CYSTM1: variants seen among roughly 807,000 people sequenced by gnomAD.
The protein encoded by CYSTM1 is cysteine rich transmembrane module containing 1.
A neutral mutation model predicts 13.1 loss-of-function variants in CYSTM1; 4 were observed. The ratio of observed to expected loss-of-function variants is 0.31; its 90% confidence interval spans 0.15 to 0.70. The LOEUF (loss-of-function observed/expected upper bound fraction) is 0.70. Ranked by LOEUF, CYSTM1 falls within the 30% of genes least tolerant of loss-of-function variation. The pLI, the probability that CYSTM1 is intolerant of heterozygous loss-of-function variation, is 0.72. For synonymous variants in CYSTM1, 36 were observed against 42.7 expected (o/e 0.84, Z 0.62); for missense variants, 96 against 121.6 (o/e 0.79, Z 0.99).
At chr5:140,236,411 C>G (rs1764680871) in intron 2 of CYSTM1, among the ~76,000 whole-genome samples, 1 of 152,202 alleles carries the variant, frequency 6.6e-6, no homozygotes, top group Admixed American at 6.5e-5. Context: ...AATGTACACG[C>G]TGCACCAGCA....
rs186816304 is a variant in CYSTM1 at position 140,189,947 on chromosome 5, T to A, written c.-20-4499T>A. On this transcript the variant is annotated intron_variant, in intron 1 of 2. Coordinates refer to ENST00000261811, the MANE Select transcript of CYSTM1 (RefSeq NM_032412.4). ...TTCTGTGATATATTGTGGATTTTTT[T>A]AATGTATGAGCATGGAGATCAAGGG... 5.3e-5 allele frequency among the ~76,000 whole-genome samples: 8 copies of A among 152,344 alleles called. No homozygotes were observed. The East Asian group carries it at 1.3e-3, about 26-fold the overall frequency.
chr5:140,182,207 TC>T (rs1763968340), intron 1 of CYSTM1, among the ~76,000 whole-genome samples: 1 of 152,208 alleles, frequency 6.6e-6, no homozygotes. Context: ...GTTCCACATA[TC>T]CCACCTGGGG....
rs374326696 is a variant in CYSTM1 at position 140,194,584 on chromosome 5, G to C, written c.119G>C (p.Gly40Ala). ...GGGGGACCCTACCCACCTCCTCAAG[G>C]GTACCCCTACCAAGGATACCCACAG... ...PMGGPYPPPQGYPYQGYPQYG... is the reference protein window; with the variant it reads ...PMGGPYPPPQAYPYQGYPQYG... Residue 40 changes from glycine to alanine, a missense_variant, in exon 2 of 3, where the codon GGG (glycine) becomes GCG (alanine). By Grantham distance (60) the Gly-to-Ala change is moderately conservative. Transcript: ENST00000261811. 16 of 1,613,406 alleles carry C rather than the reference G, an allele frequency of 9.9e-6. No individual in the cohort carries two copies. The highest frequency in any genetic ancestry group is 1.6e-4 in the Middle Eastern group (1 of 6,080).
chr5:140,221,698 T>C (rs1013160941), intron 2 of CYSTM1, among the ~76,000 whole-genome samples: 4 of 152,348 alleles, frequency 2.6e-5, no homozygotes, highest in African/African-American at 9.6e-5. Flanking sequence ...TTCAAGTCCC[T>C]ACTTTCAATT....
At position 140,222,919 on chromosome 5, in the gene CYSTM1, A is replaced by G. The variant is rs773517053; in HGVS notation, c.188-20386A>G. Among the ~76,000 whole-genome samples the G allele has an allele frequency of 4.6e-5, 7 of 152,250 alleles. No individual in the cohort carries two copies. In the South Asian group the frequency reaches 1.0e-3, roughly 23 times the overall value. On this transcript the variant is annotated intron_variant, in intron 2 of 2. Transcript: ENST00000261811. ...AAGTAAAAAGGAAAACATCACGGGCATACAGAATAAAAGTCTCCTATTCTT... is the reference window on the plus strand; with the variant it reads ...AAGTAAAAAGGAAAACATCACGGGCGTACAGAATAAAAGTCTCCTATTCTT...
chr5:140,208,541 G>C (rs1175148742), intron 2 of CYSTM1, among the ~76,000 whole-genome samples: 3 of 152,146 alleles, frequency 2.0e-5, no homozygotes, highest in African/African-American at 7.2e-5. Context: ...ACTATAGTCA[G>C]TAATAATTTT....
chr5:140,223,645 A>G (rs1479803749), intron 2 of CYSTM1, among the ~76,000 whole-genome samples: 1 of 152,262 alleles, frequency 6.6e-6, no homozygotes, highest in Non-Finnish European at 1.5e-5. Flanking sequence ...CCTTCCCAGA[A>G]GAACAGAGAT....
chr5:140,193,954 C>T (rs1310705514), intron 1 of CYSTM1, among the ~76,000 whole-genome samples: 1 of 152,212 alleles, frequency 6.6e-6, no homozygotes. Context: ...GCCAGTGCTG[C>T]TCGTTAGAAG....
chr5:140,240,613 A>G (rs1361247851), intron 2 of CYSTM1, among the ~76,000 whole-genome samples: 1 of 151,146 alleles, frequency 6.6e-6, no homozygotes, highest in Non-Finnish European at 1.5e-5. Context: ...AATGCCAGGA[A>G]TGGTGAGGCC....
chr5:140,210,249 C>T (rs891603649), intron 2 of CYSTM1, among the ~76,000 whole-genome samples: 8 of 152,128 alleles, frequency 5.3e-5, no homozygotes, highest in East Asian at 3.9e-4. Flanking sequence ...TTTTGTCATA[C>T]GCAACTTTTC....
chr5:140,188,289 C>T (rs1764046594), intron 1 of CYSTM1, among the ~76,000 whole-genome samples: 1 of 151,730 alleles, frequency 6.6e-6, no homozygotes, highest in Non-Finnish European at 1.5e-5. Context: ...CACTATGTTA[C>T]CCTAACCAGG....
At position 140,178,626 on chromosome 5, in the gene CYSTM1, G is replaced by A. The variant is rs576011858; in HGVS notation, c.-21+3341G>A. On this transcript the variant is annotated intron_variant, in intron 1 of 2. Coordinates refer to ENST00000261811, the MANE Select transcript of CYSTM1 (RefSeq NM_032412.4). Reference sequence around the variant, plus strand: ...GGTTTTTTTAATTTTTTTGAGACAGGTTCTGGCTCTGTTGCCTGGGCTGGA... The same window carrying A: ...GGTTTTTTTAATTTTTTTGAGACAGATTCTGGCTCTGTTGCCTGGGCTGGA... 9.3e-5 allele frequency among the ~76,000 whole-genome samples: 14 copies of A among 150,952 alleles called. No homozygotes were observed. In the South Asian group the frequency reaches 2.9e-3, roughly 32 times the overall value.
At chr5:140,242,428 T>C (rs1764761570) in intron 2 of CYSTM1, among the ~76,000 whole-genome samples, 1 of 152,202 alleles carries the variant, frequency 6.6e-6, no homozygotes, top group Non-Finnish European at 1.5e-5. Context: ...TTGATAACAT[T>C]CATGCATTCA....
intron 2 of CYSTM1, among the ~76,000 whole-genome samples, chr5:140,212,983 G>GTATATATATATA (rs150669111): frequency 1.4e-4 from 16 of 114,302 alleles, no homozygotes; most frequent in African/African-American, 2.5e-4. Flanking sequence ...CAAAACAAAA[G>GTATATATATATA]TATATATATA....
intron 2 of CYSTM1, among the ~76,000 whole-genome samples, chr5:140,237,206 CCT>C (rs1764693273): frequency 6.6e-6 from 1 of 152,150 alleles, no homozygotes; most frequent in Non-Finnish European, 1.5e-5. Context: ...GGCGATGGGC[CCT>C]GACTCTCCTT....
intron 2 of CYSTM1, among the ~76,000 whole-genome samples, chr5:140,210,360 C>T (rs1028626563): frequency 6.6e-6 from 1 of 152,116 alleles, no homozygotes; most frequent in African/African-American, 2.4e-5. Context: ...TCAGCAGCAT[C>T]CCTAGCCTCT....
At chr5:140,225,362 T>G (rs1764536904) in intron 2 of CYSTM1, among the ~76,000 whole-genome samples, 2 of 152,180 alleles carry the variant, frequency 1.3e-5, no homozygotes, top group South Asian at 2.1e-4. Context: ...CTGGGTTGTT[T>G]AGGCCTTCAA....
At chr5:140,178,441 C>CTTTTTTTTTTTGTTTT (rs1763918138) in intron 1 of CYSTM1, among the ~76,000 whole-genome samples, 1 of 52,628 alleles carries the variant, frequency 1.9e-5, no homozygotes, top group Non-Finnish European at 3.3e-5. Flanking sequence ...CAAGTCCTTC[C>CTTTTTTTTTTTGTTTT]TTTTTTTTTT....
chr5:140,212,638 G>A (rs1274145073), intron 2 of CYSTM1, among the ~76,000 whole-genome samples: 1 of 151,922 alleles, frequency 6.6e-6, no homozygotes, highest in Non-Finnish European at 1.5e-5. Flanking sequence ...CCGGTCAGGA[G>A]TACACTCCAA....
Sources: gnomAD v4.1 joint callset for allele counts (sites outside exome capture counted in the v4.1 genomes callset) on GRCh38, gnomAD v4.1.1 for gene constraint, MANE v1.5 for transcripts, NCBI Gene and HGNC (gene_info 2026-07-23, HGNC 2026-07-21) for gene names.